The following VPS50 variants were observed in gnomAD, a reference collection of about 807,000 sequenced individuals.
VPS50 encodes VPS50 subunit of EARP/GARPII complex.
A neutral mutation model predicts 139.7 loss-of-function variants in VPS50; 70 were observed. The observed-to-expected ratio is 0.50, with a 90% CI of 0.41 to 0.61. The LOEUF is 0.61. VPS50 is among the 20% of genes least tolerant of loss of function. VPS50 has a pLI of 0.00. For missense variants in VPS50, 921 were observed against 1,133.7 expected (o/e 0.81, Z 2.69); for synonymous variants, 365 against 376.7 (o/e 0.97, Z 0.36).
At chr7:93,315,698 T>G (rs1430415513) in intron 20 of VPS50, among the ~76,000 whole-genome samples, 1 of 152,236 alleles carries the variant, frequency 6.6e-6, no homozygotes, top group Admixed American at 6.5e-5. Context: ...AAGACATTTC[T>G]ATTTACTTGC....
intron 12 of VPS50, among the ~76,000 whole-genome samples, chr7:93,285,158 TTTG>T (rs1344296738): frequency 6.6e-6 from 1 of 152,128 alleles, no homozygotes; most frequent in Non-Finnish European, 1.5e-5. Context: ...TAACCAACCC[TTTG>T]TTGTTTTTTG....
intron 9 of VPS50, among the ~76,000 whole-genome samples, chr7:93,268,322 A>T (rs1037211263): frequency 6.7e-6 from 1 of 149,718 alleles, no homozygotes; most frequent in Admixed American, 6.7e-5. Context: ...TTAGGAAGCT[A>T]TTTTTTTTTT....
rs1798766216 is a variant in VPS50, at chr7:93,358,428, A to G, written c.2887A>G (p.Lys963Glu). The G allele has an allele frequency of 6.2e-7, 1 of 1,610,972 alleles. No homozygotes were observed. Among genetic ancestry groups the G allele is most frequent in the Admixed American group, 1.7e-5 (1 of 59,924 alleles). Residue 963 changes from lysine (K) to glutamate (E), a missense_variant, in exon 28 of 28, where the codon AAA (lysine) becomes GAA (glutamate). By Grantham distance (56) the Lys-to-Glu change is moderately conservative (BLOSUM62 1). Coordinates refer to ENST00000305866, the MANE Select transcript of VPS50 (RefSeq NM_017667.4). ...LAAIDDIDRP[K>E]R is the part of the protein sequence containing the mutation. ...AGCTATAGATGATATAGACAGACCT[A>G]AAAGATAATGAACACAGCTCTCTTT... is the stretch of plus-strand genomic sequence containing the variant.
At chr7:93,238,488 G>T (rs1471216809) in intron 1 of VPS50, among the ~76,000 whole-genome samples, 2 of 152,106 alleles carry the variant, frequency 1.3e-5, no homozygotes, top group African/African-American at 2.4e-5. Flanking sequence ...GAGGCAAATA[G>T]GACTTTGTCT....
intron 4 of VPS50, among the ~76,000 whole-genome samples, chr7:93,254,744 T>A (rs1390848239): frequency 6.6e-6 from 1 of 152,240 alleles, no homozygotes; most frequent in Non-Finnish European, 1.5e-5. Context: ...TTGTATAATT[T>A]CTTTATGTTA....
At chr7:93,240,468 A>G (rs950537609) in intron 2 of VPS50, among the ~76,000 whole-genome samples, 7 of 152,112 alleles carry the variant, frequency 4.6e-5, no homozygotes, top group Admixed American at 6.6e-5. Flanking sequence ...TTAGATTTTA[A>G]TCCTCTGATA....
chr7:93,351,446 A>C (rs1278664777), intron 25 of VPS50, among the ~76,000 whole-genome samples: 2 of 152,126 alleles, frequency 1.3e-5, no homozygotes, highest in African/African-American at 4.8e-5. Flanking sequence ...ATACTACAAC[A>C]AAGTTCCACA....
intron 21 of VPS50, among the ~76,000 whole-genome samples, chr7:93,329,304 C>CA (rs1797869171): frequency 6.6e-6 from 1 of 151,682 alleles, no homozygotes; most frequent in East Asian, 1.9e-4. Context: ...AATACAATTT[C>CA]AAAAAACAAC....
intron 11 of VPS50, 140 bp from the exon 12 acceptor site, chr7:93,276,025 C>T: frequency 1.4e-6 from 1 of 739,490 alleles, no homozygotes; most frequent in South Asian, 2.4e-5. Flanking sequence ...TATAATTTTC[C>T]CAGTATAATT....
intron 16 of VPS50, among the ~76,000 whole-genome samples, chr7:93,300,522 T>C (rs879344487): frequency 6.6e-6 from 1 of 152,142 alleles, no homozygotes; most frequent in Admixed American, 6.5e-5. Flanking sequence ...GGATTTATTA[T>C]AGGAGAGCCA....
rs773472639 is a variant in VPS50, at chr7:93,334,159, A to T, written c.2020A>T (p.Thr674Ser). The T allele has an allele frequency of 6.3e-7, 1 of 1,596,866 alleles. No individual in the cohort carries two copies. Among genetic ancestry groups the T allele is most frequent in the Non-Finnish European group, 8.6e-7 (1 of 1,168,082 alleles). Residue 674 changes from threonine (T) to serine (S), a missense_variant, in exon 22 of 28, where the codon ACA becomes TCA. By Grantham distance (58) the Thr-to-Ser change is moderately conservative (BLOSUM62 1). Transcript: ENST00000305866. ...CGGCCTTAGTAGTAGTAGACTAAGA[A>T]CAACTCTAAACAGAATACAAGAAAG... ...GLGLSSSRLR[T>S]TLNRIQESLI...
intron 9 of VPS50, among the ~76,000 whole-genome samples, chr7:93,260,757 G>A (rs529908732): frequency 6.6e-6 from 1 of 151,890 alleles, no homozygotes; most frequent in East Asian, 1.9e-4. Flanking sequence ...GTGCAGTGGC[G>A]TGATCTTGGC....
Position 93,245,598 on chromosome 7 carries a change from C to T in VPS50, c.102+5664C>T, listed in dbSNP as rs139628685. Among the ~76,000 whole-genome samples, 978 of 151,966 alleles carry T rather than the reference C, an allele frequency of 6.4e-3. 9 individuals are homozygous for T. Among genetic ancestry groups the T allele is most frequent in the African/African-American group, 0.023 (936 of 41,506 alleles). ...ATATTAAAATACATCATCTTAATCA[C>T]TTGATTGTGTTATAAAGCTGGATTA... On this transcript the variant is annotated intron_variant, in intron 2 of 27. Transcript: ENST00000305866.
intron 20 of VPS50, chr7:93,321,013 T>C (rs922722908): frequency 1.3e-5 from 2 of 152,386 alleles, no homozygotes; most frequent in South Asian, 4.1e-4. Context: ...TGTTTTGAGC[T>C]GCTGGCTGCT....
chr7:93,242,610 A>C (rs1052074801), intron 2 of VPS50, among the ~76,000 whole-genome samples: 1 of 151,926 alleles, frequency 6.6e-6, no homozygotes, highest in Non-Finnish European at 1.5e-5. Flanking sequence ...AGTCACTGTT[A>C]ATTCTTATAT....
Position 93,297,128 on chromosome 7 carries a change from C to A in VPS50, c.1263-17C>A. ...AGGCTGCTGCTGAAATTTACTGAAACCTTTTTATCCAACTAGGTTGATGCA... is the reference window on the plus strand; with the variant it reads ...AGGCTGCTGCTGAAATTTACTGAAAACTTTTTATCCAACTAGGTTGATGCA... On this transcript the variant is annotated splice_polypyrimidine_tract_variant and intron_variant, in intron 15 of 27. Transcript: ENST00000305866. 6.5e-7 allele frequency: 1 copy of A among 1,549,798 alleles called. No individual in the cohort carries two copies. The highest frequency in any genetic ancestry group is 8.6e-7 in the Non-Finnish European group (1 of 1,160,064).
At chr7:93,246,448 A>AT (rs572656636) in intron 2 of VPS50, among the ~76,000 whole-genome samples, 1 of 151,602 alleles carries the variant, frequency 6.6e-6, no homozygotes, top group African/African-American at 2.4e-5. Flanking sequence ...TATTCTATAT[A>AT]TTTTTTTCAG....
rs1283577362 is a variant in VPS50 at position 93,290,228 on chromosome 7, AG to A, written c.943-1474del. ...TTTTATGTCATTAGCGGATATAAAT[AG>A]TTTCATTTTTTCTTGTCCTATTCTT... On this transcript the variant is annotated intron_variant, in intron 12 of 27. Coordinates refer to ENST00000305866, the MANE Select transcript of VPS50 (RefSeq NM_017667.4). Among the ~76,000 whole-genome samples the A allele has an allele frequency of 2.6e-5, 4 of 152,136 alleles. 1 individual carries two copies. In the Middle Eastern group the frequency reaches 0.01, roughly 388 times the overall value.
chr7:93,337,753 A>T (rs1330060155), intron 22 of VPS50, among the ~76,000 whole-genome samples: 3 of 152,076 alleles, frequency 2.0e-5, no homozygotes, highest in Non-Finnish European at 2.9e-5. Flanking sequence ...TTACTCATAG[A>T]AGGAAACTTA....
Sources: gnomAD v4.1 joint callset for allele counts (sites outside exome capture counted in the v4.1 genomes callset) on GRCh38, gnomAD v4.1.1 for gene constraint, MANE v1.5 for transcripts, NCBI Gene and HGNC (gene_info 2026-07-23, HGNC 2026-07-21) for gene names.